Variants in GRM7 observed in about 807,000 individuals in gnomAD.
GRM7 encodes glutamate metabotropic receptor 7.
Under a neutral mutation model 84.5 loss-of-function variants are expected in GRM7, and 35 were observed. The observed-to-expected ratio is 0.41, with a 90% CI of 0.32 to 0.55. The LOEUF (loss-of-function observed/expected upper bound fraction) is 0.55, where lower values mean the gene tolerates loss of function less well. GRM7 is among the 20% of genes least tolerant of loss of function. The pLI, the probability that GRM7 is intolerant of heterozygous loss-of-function variation, is 0.19. For missense variants in GRM7, 1,003 were observed against 1,194.6 expected (o/e 0.84, Z 2.36); for synonymous variants, 487 against 455.1 (o/e 1.07, Z -0.89).
chr3:7,472,987 T>G (rs149568924), intron 7 of GRM7, among the ~76,000 whole-genome samples: 1 of 152,292 alleles, frequency 6.6e-6, no homozygotes, highest in African/African-American at 2.4e-5. Flanking sequence ...GGTGACCACA[T>G]GAGTTAGCAG....
intron 1 of GRM7, among the ~76,000 whole-genome samples, chr3:6,966,885 C>G (rs475111): frequency 0.53 from 80,141 of 152,060 alleles, 22,031 homozygotes; most frequent in East Asian, 0.82. Context: ...TGTATGTGAT[C>G]TTTGGCCATG....
intron 1 of GRM7, among the ~76,000 whole-genome samples, chr3:7,074,624 C>T (rs1698000220): frequency 6.6e-6 from 1 of 152,050 alleles, no homozygotes; most frequent in Non-Finnish European, 1.5e-5. Context: ...TTATGTTTTA[C>T]ATTTAATATT....
chr3:7,315,000 G>A (rs554651822), intron 4 of GRM7, among the ~76,000 whole-genome samples: 9 of 151,436 alleles, frequency 5.9e-5, no homozygotes, highest in Non-Finnish European at 1.3e-4. Context: ...TGTATTCTTT[G>A]TCATGTGTGA....
chr3:7,018,215 TC>T (rs1390621722), intron 1 of GRM7, among the ~76,000 whole-genome samples: 7 of 152,260 alleles, frequency 4.6e-5, no homozygotes, highest in African/African-American at 1.7e-4. Context: ...ATTCTTTTTT[TC>T]ATATGAAGTC....
At chr3:7,379,511 C>G (rs1456849427) in intron 4 of GRM7, among the ~76,000 whole-genome samples, 1 of 152,288 alleles carries the variant, frequency 6.6e-6, no homozygotes, top group East Asian at 1.9e-4. Flanking sequence ...ACAATAACAC[C>G]TCATTTCTTC....
chr3:7,104,282 G>C (rs746337324), intron 1 of GRM7, among the ~76,000 whole-genome samples: 1 of 151,418 alleles, frequency 6.6e-6, no homozygotes, highest in East Asian at 2.0e-4. Flanking sequence ...GACCAAAAAG[G>C]TTGACCTCTG....
chr3:7,271,008 G>A (rs1698832632), intron 2 of GRM7, among the ~76,000 whole-genome samples: 1 of 152,132 alleles, frequency 6.6e-6, no homozygotes, highest in Admixed American at 6.5e-5. Context: ...TCTAGACTTG[G>A]CTGTCTGTCT....
In GRM7 at chr3:7,704,695, C is replaced by T. The variant is rs569658010; in HGVS notation, c.2698+24400C>T. Among the ~76,000 whole-genome samples, 12 of 152,242 alleles carry T rather than the reference C, an allele frequency of 7.9e-5. No individual in the cohort carries two copies. The East Asian group carries it at 2.3e-3, about 29-fold the overall frequency. On this transcript the variant is annotated intron_variant, in intron 9 of 9. Transcript: ENST00000357716. ...AATAGAAAGAAGTATTCAATATATACGTGAACACAAATATATGGACTGGCA... is the reference window on the plus strand; with the variant it reads ...AATAGAAAGAAGTATTCAATATATATGTGAACACAAATATATGGACTGGCA...
At chr3:7,026,613 G>A (rs574942410) in intron 1 of GRM7, among the ~76,000 whole-genome samples, 1 of 152,154 alleles carries the variant, frequency 6.6e-6, no homozygotes, top group Admixed American at 6.5e-5. Flanking sequence ...ACACAAGAGA[G>A]GGGAAAAATG....
intron 1 of GRM7, among the ~76,000 whole-genome samples, chr3:6,995,540 G>T (rs1175038919): frequency 1.3e-5 from 2 of 152,164 alleles, no homozygotes; most frequent in Non-Finnish European, 2.9e-5. Flanking sequence ...GTACTGAATG[G>T]ATGCAATGGC....
chr3:7,522,633 CT>C (rs1157488543), intron 7 of GRM7, among the ~76,000 whole-genome samples: 4 of 152,170 alleles, frequency 2.6e-5, no homozygotes, highest in Non-Finnish European at 5.9e-5. Context: ...TTCCAGAACA[CT>C]TTCACTTCGT....
At chr3:6,901,455 G>A (rs1193059224) in intron 1 of GRM7, among the ~76,000 whole-genome samples, 13 of 151,728 alleles carry the variant, frequency 8.6e-5, no homozygotes, top group Non-Finnish European at 1.5e-5. Context: ...AAAATTAGCT[G>A]AGCGTGGTGG....
At chr3:7,514,061 C>T (rs1700297362) in intron 7 of GRM7, among the ~76,000 whole-genome samples, 1 of 152,226 alleles carries the variant, frequency 6.6e-6, no homozygotes, top group African/African-American at 2.4e-5. Context: ...GCCATGATGG[C>T]ATCCGATTTA....
chr3:6,941,214 T>C (rs770357807), intron 1 of GRM7, among the ~76,000 whole-genome samples: 2 of 152,176 alleles, frequency 1.3e-5, no homozygotes, highest in African/African-American at 4.8e-5. Flanking sequence ...ACTGTGTACC[T>C]CAGCAGACTG....
intron 2 of GRM7, among the ~76,000 whole-genome samples, chr3:7,284,512 T>C (rs564196400): frequency 9.9e-5 from 15 of 152,278 alleles, no homozygotes; most frequent in African/African-American, 3.6e-4. Flanking sequence ...CTTGCCTCTT[T>C]ATCGCAATGT....
intron 1 of GRM7, among the ~76,000 whole-genome samples, chr3:6,879,848 A>T (rs527435934): frequency 2.0e-5 from 3 of 152,268 alleles, no homozygotes; most frequent in East Asian, 3.9e-4. Context: ...TTTTATGTTA[A>T]TTCAGCCACT....
chr3:7,088,614 G>C (rs539830961), intron 1 of GRM7, among the ~76,000 whole-genome samples: 1 of 144,322 alleles, frequency 6.9e-6, no homozygotes, highest in Non-Finnish European at 1.5e-5. Context: ...AACATGGATC[G>C]TTGAATGAAT....
intron 2 of GRM7, among the ~76,000 whole-genome samples, chr3:7,155,359 A>G (rs1694414627): frequency 6.6e-6 from 1 of 152,092 alleles, no homozygotes; most frequent in East Asian, 1.9e-4. Context: ...GGTTGCCCTT[A>G]CCAAAGGCTC....
At chr3:7,656,537 ATACG>A (rs1484506296) in intron 8 of GRM7, among the ~76,000 whole-genome samples, 3 of 53,982 alleles carry the variant, frequency 5.6e-5, no homozygotes, top group Non-Finnish European at 6.5e-5. Flanking sequence ...ATATATATAT[ATACG>A]CGCGCGCACA....
Sources: allele counts gnomAD v4.1 joint callset (sites outside exome capture counted in the v4.1 genomes callset), GRCh38; gene constraint gnomAD v4.1.1; transcripts MANE v1.5; gene names NCBI Gene and HGNC (gene_info 2026-07-23, HGNC 2026-07-21).